Variants in YBEY observed in about 807,000 individuals in gnomAD.
YBEY encodes the protein ybeY metalloendoribonuclease.
In YBEY, 15 loss-of-function variants were observed where a neutral mutation model predicts 13.5. That is an observed-to-expected ratio of 1.11 (90% confidence interval 0.75 to 1.72). The LOEUF is 1.72. Among genes scored for constraint, YBEY ranks in the 40% most tolerant of loss-of-function variants. The pLI, the probability that YBEY is intolerant of heterozygous loss-of-function variation, is 0.00. For synonymous variants in YBEY, 101 were observed against 83.1 expected, an observed-to-expected ratio of 1.21 and a Z score of -1.17; for missense variants, 244 against 208.4, an observed-to-expected ratio of 1.17 and a Z score of -1.05.
rs145223954 is a variant in YBEY at position 46,287,777 on chromosome 21, G to C, written c.210+654G>C. Among the ~76,000 whole-genome samples the C allele has an allele frequency of 4.3e-4, 66 of 152,086 alleles. 1 individual carries two copies. In the East Asian group the frequency reaches 0.012, roughly 28 times the overall value. On this transcript the variant is annotated intron_variant, in intron 2 of 4. Coordinates refer to ENST00000397701, the MANE Select transcript of YBEY (RefSeq NM_001314025.2). Reference sequence around the variant, plus strand: ...AGCCCGAGGCGGGTGGTTCACCTGAGGTCAGGAGTTCGAGATCAGCCTGGC... The same window carrying C: ...AGCCCGAGGCGGGTGGTTCACCTGACGTCAGGAGTTCGAGATCAGCCTGGC...
downstream of YBEY, among the ~76,000 whole-genome samples, chr21:46,298,619 C>T (rs996733719): frequency 4.6e-5 from 7 of 151,438 alleles, no homozygotes; most frequent in South Asian, 4.2e-4. Flanking sequence ...TTAGTAGAGA[C>T]GGGGTTTCAC....
intron 4 of YBEY, among the ~76,000 whole-genome samples, chr21:46,296,508 G>C (rs915900344): frequency 1.3e-5 from 2 of 152,342 alleles, no homozygotes; most frequent in East Asian, 1.9e-4. Flanking sequence ...CAATCAGCTA[G>C]AGACTAGGCC....
chr21:46,291,637 C>A, intron 3 of YBEY, 175 bp downstream of exon 3: 1 of 1,409,482 alleles, frequency 7.1e-7, no homozygotes, highest in Non-Finnish European at 9.2e-7. Flanking sequence ...CTGCATGCCC[C>A]ATGCCACAGT....
chr21:46,301,929 G>A (rs892409760), downstream of YBEY: 41 of 1,399,128 alleles, frequency 2.9e-5, no homozygotes, highest in Non-Finnish European at 3.3e-5. Flanking sequence ...CCATAGTCCC[G>A]CCACAGCCCA....
At chr21:46,309,495 A>G in the YBEY span, among the ~76,000 whole-genome samples, 10 of 152,062 alleles carry the variant, frequency 6.6e-5, no homozygotes, top group African/African-American at 2.4e-4. Context: ...AGTTTCAGAT[A>G]TTCTGAGCAA....
rs1601564175 is a variant in YBEY, at chr21:46,287,094, A to G, written c.181A>G (p.Thr61Ala). The G allele has an allele frequency of 8.1e-6, 13 of 1,610,012 alleles. No individual in the cohort carries two copies. The highest frequency in any genetic ancestry group is 1.1e-5 in the Non-Finnish European group (13 of 1,178,588). Residue 61 changes from threonine to alanine, a missense_variant, in exon 2 of 5, where the codon ACC becomes GCC. Transcript: ENST00000397701. The stretch of plus-strand genomic sequence containing the variant: ...AATCTACAGAGATAGAAATGTCCCA[A>G]CCGATGTGCTTTCTTTTCCATTTCA... The part of the protein sequence containing the change: ...NRIYRDRNVP[T>A]DVLSFPFHEH...
chr21:46,305,114 C>A, the YBEY span, among the ~76,000 whole-genome samples: 1 of 152,280 alleles, frequency 6.6e-6, no homozygotes. Context: ...ACACATCGAA[C>A]ACAGTCAAAC....
At chr21:46,300,706 T>G, downstream of YBEY, 1 of 1,286,194 alleles carries the variant, frequency 7.8e-7, no homozygotes, top group South Asian at 1.2e-5. Flanking sequence ...TCTCTGGTCA[T>G]CCTGTCTCCT....
chr21:46,311,671 C>T, the YBEY span: 1 of 560,962 alleles, frequency 1.8e-6, no homozygotes, highest in Non-Finnish European at 3.1e-6. Flanking sequence ...AACCAACCAA[C>T]CAACCATCCA....
Position 46,291,366 on chromosome 21 carries a change from T to C in YBEY, c.243T>C (p.Asp81=). 6 of 1,614,126 alleles carry C rather than the reference T, an allele frequency of 3.7e-6. No individual in the cohort carries two copies. The highest frequency in any genetic ancestry group is 5.1e-6 in the Non-Finnish European group (6 of 1,180,032). Residue 81 remains aspartate (D), a synonymous_variant, in exon 3 of 5, where the codon GAT becomes GAC. Transcript: ENST00000397701. ...HLKAGEFPQP[D]FPDDYNLGDI... is the part of the protein sequence containing the mutation. ...AAGCAGGTGAATTTCCCCAGCCTGA[T>C]TTTCCAGATGACTACAATTTGGGAG...
At chr21:46,298,001 T>C (rs1022903170), downstream of YBEY, among the ~76,000 whole-genome samples, 1 of 152,138 alleles carries the variant, frequency 6.6e-6, no homozygotes, top group Non-Finnish European at 1.5e-5. Context: ...TTTTACCTCC[T>C]GAGTATTGGA....
Position 46,290,579 on chromosome 21 carries a change from C to T in YBEY, c.211-755C>T, listed in dbSNP as rs190605616. On this transcript the variant is annotated intron_variant, in intron 2 of 4. Coordinates refer to ENST00000397701, the MANE Select transcript of YBEY (RefSeq NM_001314025.2). ...GGCTGGGCAACCCACCCGCCACAGG[C>T]CCAGCTGCCACTCTGGCCTGAGACA... 9.7e-4 allele frequency among the ~76,000 whole-genome samples: 147 copies of T among 152,254 alleles called. 3 individuals are homozygous for T. The East Asian group carries it at 0.027, about 28-fold the overall frequency.
chr21:46,291,759 T>A, intron 3 of YBEY: 1 of 1,110,194 alleles, frequency 9.0e-7, no homozygotes, highest in Non-Finnish European at 1.1e-6. Flanking sequence ...ACCTGCTGAA[T>A]CAGCTTCTTT....
chr21:46,291,945 T>A, intron 3 of YBEY: 1 of 648,728 alleles, frequency 1.5e-6, no homozygotes, highest in Non-Finnish European at 1.9e-6. Context: ...GCAGAAAGGC[T>A]GGAGTTATTA....
chr21:46,291,736 T>G, intron 3 of YBEY: 1 of 1,195,526 alleles, frequency 8.4e-7, no homozygotes, highest in Non-Finnish European at 1.0e-6. Context: ...CAGACTATGT[T>G]GAGCTAACAC....
At chr21:46,297,469 G>A in intron 4 of YBEY, 70 bp from the exon 5 acceptor site, 3 of 1,291,254 alleles carry the variant, frequency 2.3e-6, no homozygotes, top group Non-Finnish European at 3.0e-6. Context: ...GGCATCCCGA[G>A]GAGGCGACCC....
In YBEY at chr21:46,297,601, G is replaced by GC; in HGVS notation, c.475dup (p.Leu159ProfsTer36). On this transcript the variant is annotated frameshift_variant, in exon 5 of 5. Coordinates refer to ENST00000397701, the MANE Select transcript of YBEY (RefSeq NM_001314025.2). LOFTEE classifies it high-confidence loss of function. ...GCCGACGCACGGGGACCCGGCTGCA[G>GC]CCCCTGACCCGGGGCCTCTTCGGAG... is the stretch of plus-strand genomic sequence containing the variant. The GC allele has an allele frequency of 7.3e-7, 1 of 1,375,072 alleles. No individual in the cohort carries two copies. The highest frequency in any genetic ancestry group is 9.5e-7 in the Non-Finnish European group (1 of 1,049,730). The allele number at this position is 1,375,072 out of a possible 1,614,324, so 85.2% of individuals were successfully genotyped here.
At chr21:46,289,701 G>A (rs931834205) in intron 2 of YBEY, among the ~76,000 whole-genome samples, 1 of 151,922 alleles carries the variant, frequency 6.6e-6, no homozygotes, top group Non-Finnish European at 1.5e-5. Context: ...TGATCTACCC[G>A]CCTCTGCCTT....
chr21:46,305,890 T>C, the YBEY span, among the ~76,000 whole-genome samples: 14 of 151,232 alleles, frequency 9.3e-5, no homozygotes, highest in Non-Finnish European at 1.5e-4. Context: ...TGCAGTGAGC[T>C]GAGATTGCGC....
Sources: gnomAD v4.1 joint callset for allele counts (sites outside exome capture counted in the v4.1 genomes callset) on GRCh38, gnomAD v4.1.1 for gene constraint, MANE v1.5 for transcripts, NCBI Gene and HGNC (gene_info 2026-07-23, HGNC 2026-07-21) for gene names.